ASCC2: variants seen among roughly 807,000 people sequenced by gnomAD.
The protein encoded by ASCC2 is activating signal cointegrator 1 complex subunit 2.
In ASCC2, 42 loss-of-function variants were observed where a neutral mutation model predicts 93.5. The observed-to-expected ratio is 0.45, with a 90% CI of 0.35 to 0.58. ASCC2 has a LOEUF of 0.58. Ranked by LOEUF, ASCC2 falls within the 20% of genes least tolerant of loss-of-function variation. The pLI, the probability that ASCC2 is intolerant of heterozygous loss-of-function variation, is 0.00. For missense variants in ASCC2, 859 were observed against 977.6 expected (o/e 0.88, Z 1.62); for synonymous variants, 364 against 384.2 (o/e 0.95, Z 0.62).
chr22:29,806,964 T>G, intron 9 of ASCC2, 60 bp from the exon 10 acceptor site: 1 of 1,344,490 alleles, frequency 7.4e-7, no homozygotes, highest in Non-Finnish European at 1.0e-6. Flanking sequence ...AGGGGCCAGG[T>G]GCAGTGGTTT....
intron 8 of ASCC2, chr22:29,810,434 C>G (rs1434199224): frequency 6.6e-6 from 1 of 152,228 alleles, no homozygotes; most frequent in Non-Finnish European, 1.5e-5. Context: ...GTCTATCCTA[C>G]TACAATGCTA....
chr22:29,825,802 G>A lies in ASCC2; in HGVS notation c.82-22C>T. 5 of 1,592,502 alleles carry A rather than the reference G, an allele frequency of 3.1e-6. No individual in the cohort carries two copies. Among genetic ancestry groups the A allele is most frequent in the Non-Finnish European group, 4.3e-6 (5 of 1,166,074 alleles). On this transcript the variant is annotated intron_variant, in intron 2 of 19. Coordinates refer to ENST00000307790, the MANE Select transcript of ASCC2 (RefSeq NM_032204.5). The surrounding 1 kb of genome is among the most constrained non-coding windows in gnomAD (Gnocchi z 4.9). ...GGTGCTACGGATCCAAAAACCACGT[G>A]TTAACGTGGCAGAGGTTAGTCAGCG...
chr22:29,832,112 T>C, intron 2 of ASCC2, 133 bp downstream of exon 2: 1 of 719,972 alleles, frequency 1.4e-6, no homozygotes, highest in East Asian at 2.8e-5. Context: ...AGACTAGTAG[T>C]GTCTCAGCTA....
At position 29,806,272 on chromosome 22, in the gene ASCC2, A is replaced by T. The variant is rs760257582; in HGVS notation, c.1104T>A (p.Asp368Glu). 6.2e-7 allele frequency: 1 copy of T among 1,614,148 alleles called. No individual in the cohort carries two copies. Among genetic ancestry groups the T allele is most frequent in the Non-Finnish European group, 8.5e-7 (1 of 1,180,034 alleles). Residue 368 changes from aspartate (D) to glutamate (E), a missense_variant, in exon 12 of 20, where the codon GAT becomes GAA. By Grantham distance (45) the Asp-to-Glu change is conservative. Coordinates refer to ENST00000307790, the MANE Select transcript of ASCC2 (RefSeq NM_032204.5). ...LQEKRFLRDY[D>E]ALFPVAEDIS... ...TGTCTTCGGCCACGGGGAAGAGTGC[A>T]TCATAGTCCCGGAGGAACCTGCAGG...
At chr22:29,832,587 CTT>C (rs375947944) in intron 1 of ASCC2, 2,364 of 198,960 alleles carry the variant, frequency 0.012, no homozygotes, top group South Asian at 0.029. Flanking sequence ...TTTCCACCCA[CTT>C]TTTTTTTTTT....
chr22:29,790,305 G>A (rs975621261), intron 19 of ASCC2, among the ~76,000 whole-genome samples, 164 bp downstream of exon 19: 1 of 152,198 alleles, frequency 6.6e-6, no homozygotes, highest in Non-Finnish European at 1.5e-5. Context: ...TTTTTCATCT[G>A]TCAAATAAGG....
chr22:29,804,909 T>G (rs1263749536), intron 12 of ASCC2, 79 bp from the exon 13 acceptor site: 1 of 1,464,388 alleles, frequency 6.8e-7, no homozygotes, highest in Admixed American at 1.8e-5. Context: ...CCCCAGCATC[T>G]GACCACATGG....
intron 1 of ASCC2, among the ~76,000 whole-genome samples, chr22:29,837,705 C>T (rs2064013820): frequency 6.6e-6 from 1 of 152,200 alleles, no homozygotes; most frequent in African/African-American, 2.4e-5. Flanking sequence ...CTTCTGATGG[C>T]TCTGCCTATA....
intron 15 of ASCC2, among the ~76,000 whole-genome samples, chr22:29,798,056 AG>A: frequency 1.3e-5 from 2 of 152,290 alleles, no homozygotes; most frequent in South Asian, 4.1e-4. Context: ...CACCACGCCC[AG>A]CCGGCACAGA....
At chr22:29,820,909 TACACAAA>T (rs1801871882) in intron 5 of ASCC2, among the ~76,000 whole-genome samples, 2 of 42,260 alleles carry the variant, frequency 4.7e-5, no homozygotes, top group African/African-American at 2.2e-4. Context: ...TCCATCTCAA[TACACAAA>T]AAAAAAAAAA....
chr22:29,801,324 C>T (rs943170513), intron 14 of ASCC2, among the ~76,000 whole-genome samples: 2 of 152,214 alleles, frequency 1.3e-5, no homozygotes, highest in Non-Finnish European at 2.9e-5. Context: ...ACAAAGCTCC[C>T]CCTCATTCTC....
At chr22:29,822,637 T>A (rs1440175738) in intron 4 of ASCC2, among the ~76,000 whole-genome samples, 173 bp from the exon 5 acceptor site, 10 of 151,118 alleles carry the variant, frequency 6.6e-5, no homozygotes, top group Non-Finnish European at 1.3e-4. Flanking sequence ...TTTTTTTTTT[T>A]AAATGTTAAT....
At chr22:29,797,383 T>C (rs192880806) in intron 15 of ASCC2, among the ~76,000 whole-genome samples, 1 of 152,274 alleles carries the variant, frequency 6.6e-6, no homozygotes, top group East Asian at 1.9e-4. Flanking sequence ...CTAAAGAGCC[T>C]GTGGAAGCAA....
At chr22:29,791,899 C>A (rs2057797908) in intron 18 of ASCC2, among the ~76,000 whole-genome samples, 2 of 152,200 alleles carry the variant, frequency 1.3e-5, no homozygotes. Flanking sequence ...GGTGACCTGG[C>A]CCCAGAAACA....
chr22:29,792,568 G>A (rs759419124), intron 17 of ASCC2, 33 bp from the exon 18 acceptor site: 30 of 1,611,724 alleles, frequency 1.9e-5, no homozygotes, highest in South Asian at 1.4e-4. Context: ...GATCAAAGAC[G>A]AGGTTCAACC....
At chr22:29,833,727 G>C in intron 1 of ASCC2, 1 of 435,536 alleles carries the variant, frequency 2.3e-6, no homozygotes, top group African/African-American at 2.0e-5. Context: ...AACATGAAGA[G>C]AGACAGAGGC....
intron 7 of ASCC2, 24 bp from the exon 8 acceptor site, chr22:29,813,566 A>G: frequency 1.4e-6 from 2 of 1,454,904 alleles, no homozygotes; most frequent in Middle Eastern, 1.7e-4. Flanking sequence ...AATACACTGC[A>G]TTATTCTCCT....
intron 8 of ASCC2, among the ~76,000 whole-genome samples, chr22:29,810,985 C>T (rs2060214474): frequency 6.6e-6 from 1 of 152,154 alleles, no homozygotes; most frequent in Non-Finnish European, 1.5e-5. Flanking sequence ...CCTGCCTTGG[C>T]CTCCCAAAGT....
Position 29,797,565 on chromosome 22 carries a change from C to G in ASCC2, c.1688+3426G>C, listed in dbSNP as rs77080750. 9.5e-3 allele frequency among the ~76,000 whole-genome samples: 1,445 copies of G among 152,296 alleles called. 22 individuals are homozygous for G. Among genetic ancestry groups the G allele is most frequent in the African/African-American group, 0.034 (1,397 of 41,560 alleles). On this transcript the variant is annotated intron_variant, in intron 15 of 19. Transcript: ENST00000307790. ...ACCACAGGCAAGTCCCTTAACCTCG[C>G]TAAGTCTCAGTTCCTTCTCTTGGCA...
Sources: gnomAD v4.1 joint callset for allele counts (sites outside exome capture counted in the v4.1 genomes callset) on GRCh38, gnomAD v4.1.1 for gene constraint, Gnocchi (gnomAD v3.1) non-coding constraint, MANE v1.5 for transcripts, NCBI Gene and HGNC (gene_info 2026-07-23, HGNC 2026-07-21) for gene names.